Variants in ST3GAL3 observed in about 807,000 individuals in gnomAD.
ST3GAL3 encodes ST3 beta-galactoside alpha-2,3-sialyltransferase 3, also known as CMP-N-acetylneuraminate-beta-1,4-galactoside alpha-2,3-sialyltransferase.
In ST3GAL3, 21 loss-of-function variants were observed where a neutral mutation model predicts 50.1. That is an observed-to-expected ratio of 0.42 (90% CI 0.30 to 0.60). The LOEUF (loss-of-function observed/expected upper bound fraction) is 0.60, where lower values mean the gene tolerates loss of function less well. ST3GAL3 is among the 20% of genes least tolerant of loss of function. ST3GAL3 has a pLI of 0.19. For synonymous variants in ST3GAL3, 183 were observed against 190.0 expected, an observed-to-expected ratio of 0.96 and a Z score of 0.30; for missense variants, 353 against 489.4, an observed-to-expected ratio of 0.72 and a Z score of 2.63.
intron 4 of ST3GAL3, among the ~76,000 whole-genome samples, chr1:43,825,817 G>C (rs2062722356): frequency 6.6e-6 from 1 of 152,098 alleles, no homozygotes; most frequent in Admixed American, 6.5e-5. Flanking sequence ...GGCTATAATA[G>C]AAGTACAGAG....
In ST3GAL3 at chr1:43,911,631, ATC is replaced by A. The variant is rs2080910511; in HGVS notation, c.745-8771_745-8770del. On this transcript the variant is annotated intron_variant, in intron 9 of 11. Coordinates refer to ENST00000347631, the MANE Select transcript of ST3GAL3 (RefSeq NM_006279.5). Reference sequence around the variant, plus strand: ...GATATCTACAGATATATCTATAGATATCTATATCTATAGATATATCTGTAGCT... The same window carrying A: ...GATATCTACAGATATATCTATAGATATATATCTATAGATATATCTGTAGCT... Among the ~76,000 whole-genome samples, 8 of 133,258 alleles carry A rather than the reference ATC, an allele frequency of 6.0e-5. 1 individual carries two copies. In the South Asian group the frequency reaches 1.7e-3, roughly 28 times the overall value. The allele number at this position is 133,258 out of a possible 152,430, so 87.4% of individuals were successfully genotyped here. A position where few individuals can be genotyped will look rare whatever the true frequency, so the allele number is the denominator to read the frequency against.
In ST3GAL3 at chr1:43,822,692, C is replaced by T. The variant is rs37460; in HGVS notation, c.209+7759C>T. The stretch of plus-strand genomic sequence containing the variant: ...TATATGCCCAGTGGTGCACTAGGTA[C>T]TTTCTATGTTACCTGTTCCCACAAC... On this transcript the variant is annotated intron_variant, in intron 4 of 11. Transcript: ENST00000347631. 8.9e-4 allele frequency among the ~76,000 whole-genome samples: 136 copies of T among 152,034 alleles called. 1 individual carries two copies. Among genetic ancestry groups the T allele is most frequent in the African/African-American group, 3.1e-3 (128 of 41,484 alleles).
intron 2 of ST3GAL3, among the ~76,000 whole-genome samples, chr1:43,775,074 G>A (rs557546903): frequency 5.3e-5 from 8 of 152,048 alleles, no homozygotes; most frequent in East Asian, 3.9e-4. Context: ...TGATTCTGGC[G>A]CGTTCTCTTT....
intron 4 of ST3GAL3, among the ~76,000 whole-genome samples, chr1:43,817,823 T>TCCTCCTC (rs1558441358): frequency 8.0e-6 from 1 of 124,904 alleles, no homozygotes; most frequent in Non-Finnish European, 1.7e-5. Context: ...CTCCTCCTTC[T>TCCTCCTC]CTTCCTTCCT....
At chr1:43,888,601 T>C (rs2076288360) in intron 5 of ST3GAL3, among the ~76,000 whole-genome samples, 1 of 151,804 alleles carries the variant, frequency 6.6e-6, no homozygotes. Flanking sequence ...ACCTAAAAAA[T>C]AGGCAAGAGA....
chr1:43,812,518 G>A (rs2154174549), intron 3 of ST3GAL3, among the ~76,000 whole-genome samples: 1 of 152,374 alleles, frequency 6.6e-6, no homozygotes, highest in South Asian at 2.1e-4. Context: ...CTAGGGTGCA[G>A]TGGCGTGATC....
intron 3 of ST3GAL3, among the ~76,000 whole-genome samples, chr1:43,792,671 T>C (rs533808513): frequency 6.6e-6 from 1 of 152,262 alleles, no homozygotes; most frequent in Admixed American, 6.5e-5. Context: ...CCAAAATGCA[T>C]GTAGGTGGAC....
intron 2 of ST3GAL3, among the ~76,000 whole-genome samples, chr1:43,789,603 G>T (rs2057786558): frequency 6.6e-6 from 1 of 152,162 alleles, no homozygotes; most frequent in African/African-American, 2.4e-5. Flanking sequence ...AGGCATGATG[G>T]CTCGTGCCTG....
At chr1:43,758,164 C>A (rs933737179) in intron 2 of ST3GAL3, among the ~76,000 whole-genome samples, 1 of 126,636 alleles carries the variant, frequency 7.9e-6, no homozygotes, top group Non-Finnish European at 1.7e-5. Flanking sequence ...TGCATACCAC[C>A]CCCCCCCCCA....
intron 3 of ST3GAL3, among the ~76,000 whole-genome samples, chr1:43,807,021 T>C (rs1384249075): frequency 2.0e-5 from 3 of 152,160 alleles, no homozygotes; most frequent in African/African-American, 7.2e-5. Context: ...GAGAAAGATA[T>C]GTTCAAAGGC....
intron 2 of ST3GAL3, among the ~76,000 whole-genome samples, chr1:43,785,720 T>A (rs1487015993): frequency 6.6e-6 from 1 of 152,176 alleles, no homozygotes; most frequent in Non-Finnish European, 1.5e-5. Flanking sequence ...CTTTGTCTGC[T>A]TGTGTCTCCT....
chr1:43,753,697 C>T (rs1687019202), intron 2 of ST3GAL3, among the ~76,000 whole-genome samples: 1 of 152,232 alleles, frequency 6.6e-6, no homozygotes, highest in Non-Finnish European at 1.5e-5. Flanking sequence ...CTTTCTCCCT[C>T]TTTGACCTGA....
chr1:43,769,561 A>C (rs994881767), intron 2 of ST3GAL3, among the ~76,000 whole-genome samples: 1 of 152,136 alleles, frequency 6.6e-6, no homozygotes, highest in African/African-American at 2.4e-5. Flanking sequence ...GACTAAATAT[A>C]ATATCTGGTA....
At chr1:43,801,829 C>T (rs896464983) in intron 3 of ST3GAL3, 1 of 158,104 alleles carries the variant, frequency 6.3e-6, no homozygotes, top group African/African-American at 2.4e-5. Context: ...GGCATTGCAC[C>T]TATAGTCCCA....
intron 9 of ST3GAL3, among the ~76,000 whole-genome samples, chr1:43,917,498 A>AT (rs1557534675): frequency 2.8e-5 from 2 of 70,468 alleles, no homozygotes; most frequent in African/African-American, 9.9e-5. Flanking sequence ...TAATATATAT[A>AT]ATATATTATA....
intron 5 of ST3GAL3, among the ~76,000 whole-genome samples, chr1:43,889,201 A>AAAACAC (rs2076371354): frequency 1.7e-5 from 1 of 59,232 alleles, no homozygotes; most frequent in Non-Finnish European, 4.2e-5. Flanking sequence ...AGGGAACAGG[A>AAAACAC]ATACACACAC....
At chr1:43,849,785 A>G (rs2066933203) in intron 5 of ST3GAL3, among the ~76,000 whole-genome samples, 1 of 152,220 alleles carries the variant, frequency 6.6e-6, no homozygotes, top group South Asian at 2.1e-4. Context: ...ACACTTGGCT[A>G]ATGTACACTT....
At chr1:43,762,534 G>T (rs1690910821) in intron 2 of ST3GAL3, among the ~76,000 whole-genome samples, 1 of 152,204 alleles carries the variant, frequency 6.6e-6, no homozygotes, top group Non-Finnish European at 1.5e-5. Flanking sequence ...AGTGTTGGGG[G>T]CCACAGTTTT....
At chr1:43,858,021 A>G in intron 5 of ST3GAL3, 1 of 657,002 alleles carries the variant, frequency 1.5e-6, no homozygotes, top group African/African-American at 1.9e-5. Flanking sequence ...CTCTTCACAG[A>G]TGGTTTGAGA....
Sources: allele counts gnomAD v4.1 joint callset (sites outside exome capture counted in the v4.1 genomes callset), GRCh38; gene constraint gnomAD v4.1.1; transcripts MANE v1.5; gene names NCBI Gene and HGNC (gene_info 2026-07-23, HGNC 2026-07-21).